Variants in VPS13B observed in about 807,000 individuals in gnomAD.
VPS13B encodes the protein intermembrane lipid transfer protein VPS13B.
A neutral mutation model predicts 426.4 loss-of-function variants in VPS13B; 285 were observed. The ratio of observed to expected loss-of-function variants is 0.67; its 90% CI spans 0.61 to 0.74. VPS13B has a LOEUF of 0.74. Ranked by LOEUF, VPS13B falls within the 30% of genes least tolerant of loss-of-function variation. The probability of loss-of-function intolerance (pLI) is 0.00; values close to 1 mark genes in which losing one functional copy is unlikely to be tolerated. For synonymous variants in VPS13B, 1,676 were observed against 1,676.4 expected, an observed-to-expected ratio of 1.00 and a Z score of 0.01; for missense variants, 4,537 against 4,782.6, an observed-to-expected ratio of 0.95 and a Z score of 1.51.
intron 51 of VPS13B, among the ~76,000 whole-genome samples, chr8:99,829,960 T>C (rs926074389): frequency 5.9e-5 from 9 of 152,208 alleles, no homozygotes; most frequent in African/African-American, 1.9e-4. Flanking sequence ...TGCCTGCTCC[T>C]TCCTCTGGAA....
At chr8:99,363,407 G>A (rs1000958496) in intron 19 of VPS13B, among the ~76,000 whole-genome samples, 1 of 152,056 alleles carries the variant, frequency 6.6e-6, no homozygotes, top group Non-Finnish European at 1.5e-5. Flanking sequence ...ATGAGGTAAT[G>A]TTCAATTTTT....
intron 10 of VPS13B, 135 bp from the exon 11 acceptor site, chr8:99,135,461 G>A: frequency 8.4e-7 from 1 of 1,192,256 alleles, no homozygotes; most frequent in East Asian, 2.6e-5. Context: ...TGAAGGTGGA[G>A]CAGCAGCATT....
At chr8:99,716,719 T>G (rs778847096) in intron 36 of VPS13B, among the ~76,000 whole-genome samples, 132 of 152,316 alleles carry the variant, frequency 8.7e-4, no homozygotes, top group Non-Finnish European at 1.3e-3. Context: ...ATATTTTGAT[T>G]GTTTTGAATT....
At chr8:99,497,184 AT>A in intron 25 of VPS13B, among the ~76,000 whole-genome samples, 8 of 140,910 alleles carry the variant, frequency 5.7e-5, no homozygotes, top group Admixed American at 7.4e-5. Context: ...TATTTAATAT[AT>A]AAATACATGT....
At chr8:99,829,110 G>A (rs185216471) in intron 51 of VPS13B, among the ~76,000 whole-genome samples, 18 of 152,210 alleles carry the variant, frequency 1.2e-4, no homozygotes, top group African/African-American at 4.3e-4. Context: ...GTATCTTTAT[G>A]GTGTTCTCTG....
chr8:99,601,839 A>AT (rs1165611805), intron 33 of VPS13B, among the ~76,000 whole-genome samples: 5 of 151,962 alleles, frequency 3.3e-5, no homozygotes, highest in African/African-American at 1.2e-4. Flanking sequence ...CCACTTTTTG[A>AT]TGGGGTTGTT....
intron 39 of VPS13B, among the ~76,000 whole-genome samples, chr8:99,738,717 T>C (rs1833942167): frequency 6.6e-6 from 1 of 152,236 alleles, no homozygotes; most frequent in Admixed American, 6.5e-5. Context: ...TACCATTGAG[T>C]ATAAAATATA....
intron 15 of VPS13B, among the ~76,000 whole-genome samples, chr8:99,166,152 T>C (rs1020869513): frequency 7.2e-5 from 11 of 152,132 alleles, no homozygotes; most frequent in Admixed American, 1.3e-4. Flanking sequence ...GCTAATTTTT[T>C]GTATTTTTAG....
chr8:99,107,649 C>T (rs1847118348), intron 5 of VPS13B, among the ~76,000 whole-genome samples: 1 of 152,062 alleles, frequency 6.6e-6, no homozygotes, highest in Non-Finnish European at 1.5e-5. Flanking sequence ...TGACATTGCC[C>T]ATAGTGCTGG....
intron 42 of VPS13B, 137 bp downstream of exon 42, chr8:99,779,168 C>G (rs563595826): frequency 1.1e-6 from 1 of 882,610 alleles, no homozygotes; most frequent in African/African-American, 1.7e-5. Context: ...CACCATTATA[C>G]TTGAGGCCTT....
intron 16 of VPS13B, among the ~76,000 whole-genome samples, chr8:99,182,262 A>T (rs1018299255): frequency 4.6e-5 from 7 of 152,204 alleles, no homozygotes; most frequent in Non-Finnish European, 1.0e-4. Flanking sequence ...TTCTATTTAT[A>T]TGAATTTCTG....
intron 33 of VPS13B, among the ~76,000 whole-genome samples, chr8:99,633,350 A>G (rs925782467): frequency 1.1e-4 from 17 of 152,050 alleles, no homozygotes; most frequent in Non-Finnish European, 1.0e-4. Flanking sequence ...ACTAAATACA[A>G]ACTTTTCTGT....
At chr8:99,551,175 T>C (rs1327301088) in intron 30 of VPS13B, among the ~76,000 whole-genome samples, 2 of 152,064 alleles carry the variant, frequency 1.3e-5, no homozygotes, top group Non-Finnish European at 2.9e-5. Flanking sequence ...CTTTTATATG[T>C]TTTGAGGCTG....
chr8:99,791,927 G>A (rs758397724), intron 43 of VPS13B, among the ~76,000 whole-genome samples: 1 of 152,028 alleles, frequency 6.6e-6, no homozygotes, highest in Non-Finnish European at 1.5e-5. Context: ...AATAGCCTAG[G>A]CATCCTAGGC....
At chr8:99,615,364 T>C (rs1046493612) in intron 33 of VPS13B, among the ~76,000 whole-genome samples, 3 of 152,162 alleles carry the variant, frequency 2.0e-5, no homozygotes, top group Non-Finnish European at 4.4e-5. Flanking sequence ...AATTCTGTGA[T>C]TCCTCTGAGC....
At position 99,274,273 on chromosome 8, in the gene VPS13B, C is replaced by A. The variant is rs140936527; in HGVS notation, c.2591C>A (p.Ser864Ter). 1.1e-5 allele frequency: 18 copies of A among 1,614,006 alleles called. No individual in the cohort carries two copies. The highest frequency in any genetic ancestry group is 1.5e-5 in the Non-Finnish European group (18 of 1,180,026). ...QNVELKYCST[S>*]LVKCASGTMG... The stretch of plus-strand genomic sequence containing the variant: ...GTTGAATTGAAGTACTGCAGCACAT[C>A]ATTGGTCAAATGTGCCTCTGGGACC... Residue 864 changes from serine (S) to a stop codon, truncating the protein, a stop_gained, in exon 18 of 62, where the codon TCA becomes TAA. Coordinates refer to ENST00000357162, the MANE Select transcript of VPS13B (RefSeq NM_152564.5). LOFTEE classifies it high-confidence loss of function.
chr8:99,344,253 A>G (rs528912676), intron 19 of VPS13B, among the ~76,000 whole-genome samples: 1 of 152,216 alleles, frequency 6.6e-6, no homozygotes, highest in Non-Finnish European at 1.5e-5. Context: ...GGCTGTGCAC[A>G]TGCACAAAAA....
At chr8:99,498,409 A>T (rs545408181) in intron 25 of VPS13B, among the ~76,000 whole-genome samples, 1 of 149,240 alleles carries the variant, frequency 6.7e-6, no homozygotes, top group East Asian at 2.0e-4. Context: ...GCATTAGGAG[A>T]TATACCTAAT....
rs1588760916 is a variant in VPS13B, at chr8:99,832,223, C to T, written c.9331-146C>T. ...GCTGCAGTGAGCCGAGATGGTGCCA[C>T]TGCACTCCCGCCTGCGTGATGGAGT... On this transcript the variant is annotated intron_variant, in intron 51 of 61. Coordinates refer to ENST00000357162, the MANE Select transcript of VPS13B (RefSeq NM_152564.5). The T allele has an allele frequency of 4.2e-6, 5 of 1,197,794 alleles. No individual in the cohort carries two copies. The East Asian group carries it at 1.4e-4, about 32-fold the overall frequency. 74.2% of individuals were successfully genotyped at this position (1,197,794 alleles called of 1,614,324 possible).
Sources: allele counts gnomAD v4.1 joint callset (sites outside exome capture counted in the v4.1 genomes callset), GRCh38; gene constraint gnomAD v4.1.1; transcripts MANE v1.5; gene names NCBI Gene and HGNC (gene_info 2026-07-23, HGNC 2026-07-21).